Variants in CABIN1 observed in about 807,000 individuals in gnomAD.
CABIN1 encodes the protein calcineurin-binding protein cabin-1.
CABIN1 carries 133 observed loss-of-function variants against 227.7 expected under a neutral mutation model. The observed-to-expected ratio is 0.58, with a 90% CI of 0.51 to 0.67. CABIN1 has a LOEUF of 0.67. CABIN1 is among the 30% of genes least tolerant of loss of function. The pLI is 0.00. For missense variants in CABIN1, 2,408 were observed against 2,852.5 expected (o/e 0.84, Z 3.55); for synonymous variants, 1,086 against 1,155.1 (o/e 0.94, Z 1.21).
At chr22:24,159,772 A>G (rs1442881285) in intron 29 of CABIN1, among the ~76,000 whole-genome samples, 2 of 152,196 alleles carry the variant, frequency 1.3e-5, no homozygotes, top group East Asian at 3.9e-4. Context: ...ATTTCCTGCA[A>G]CATTGCCCAA....
chr22:24,154,422 A>G (rs1405172426), intron 29 of CABIN1, among the ~76,000 whole-genome samples: 7 of 152,090 alleles, frequency 4.6e-5, no homozygotes. Context: ...ACCTGTCCCT[A>G]TGTGTGTCTG....
In CABIN1 at chr22:24,171,018, G is replaced by T. The variant is rs577432322; in HGVS notation, c.5758-695G>T. ...CCTGTCCCAGGAGGGCTGGCTGGGG[G>T]TGGGAGCAAAAGTAGCCCTGTGAAA... On this transcript the variant is annotated intron_variant, in intron 33 of 36. Coordinates refer to ENST00000263119, the MANE Select transcript of CABIN1 (RefSeq NM_012295.4). Among the ~76,000 whole-genome samples, 6 of 152,334 alleles carry T rather than the reference G, an allele frequency of 3.9e-5. No homozygotes were observed. The South Asian group carries it at 1.2e-3, about 32-fold the overall frequency.
chr22:24,033,290 T>C (rs1304419540), intron 1 of CABIN1, among the ~76,000 whole-genome samples: 1 of 152,210 alleles, frequency 6.6e-6, no homozygotes, highest in Non-Finnish European at 1.5e-5. Flanking sequence ...AAGTCATTGC[T>C]GTAAGCACTG....
intron 29 of CABIN1, chr22:24,155,962 G>A (rs914587542): frequency 1.9e-6 from 1 of 525,414 alleles, no homozygotes; most frequent in Non-Finnish European, 3.3e-6. Context: ...CGCCCCGTCC[G>A]GCCGCGCCTG....
chr22:24,035,989 G>A, intron 2 of CABIN1, 100 bp from the exon 3 acceptor site: 1 of 824,362 alleles, frequency 1.2e-6, no homozygotes. Context: ...AGGTAGAATA[G>A]ATCATATGCT....
chr22:24,140,189 G>C (rs75976440), intron 29 of CABIN1, among the ~76,000 whole-genome samples: 1 of 152,212 alleles, frequency 6.6e-6, no homozygotes, highest in Non-Finnish European at 1.5e-5. Flanking sequence ...GCTAAGGATC[G>C]AGTGAGTGGG....
intron 1 of CABIN1, among the ~76,000 whole-genome samples, chr22:24,019,840 A>G (rs1259347902): frequency 1.3e-5 from 2 of 151,430 alleles, no homozygotes; most frequent in Non-Finnish European, 1.5e-5. Context: ...TATTTTTAGT[A>G]GAGACGGGGT....
intron 18 of CABIN1, 145 bp downstream of exon 18, chr22:24,072,655 A>G (rs1302234704): frequency 3.0e-6 from 3 of 996,148 alleles, no homozygotes; most frequent in African/African-American, 3.2e-5. Flanking sequence ...GCGCTTGGAC[A>G]GAGGCAGAAG....
intron 34 of CABIN1, among the ~76,000 whole-genome samples, chr22:24,174,081 G>A (rs2046978088): frequency 6.6e-6 from 1 of 151,634 alleles, no homozygotes; most frequent in Admixed American, 6.6e-5. Flanking sequence ...CTGACCTCAG[G>A]TGATCCGCCT....
intron 1 of CABIN1, among the ~76,000 whole-genome samples, chr22:24,025,083 TC>T (rs2035986203): frequency 6.6e-6 from 1 of 152,198 alleles, no homozygotes; most frequent in Non-Finnish European, 1.5e-5. Flanking sequence ...TGCCACATTT[TC>T]TTTTTTCTTT....
chr22:24,113,497 G>A, intron 26 of CABIN1, 69 bp from the exon 27 acceptor site: 1 of 1,448,302 alleles, frequency 6.9e-7, no homozygotes, highest in East Asian at 2.3e-5. Flanking sequence ...ACTCACCATA[G>A]GAAGGCCCCC....
At chr22:24,015,253 G>A (rs1193116384) in intron 1 of CABIN1, among the ~76,000 whole-genome samples, 2 of 111,980 alleles carry the variant, frequency 1.8e-5, no homozygotes, top group African/African-American at 6.9e-5. Context: ...GTGACCGGCC[G>A]AGTGAGAATC....
intron 26 of CABIN1, among the ~76,000 whole-genome samples, chr22:24,107,578 G>A (rs538108577): frequency 5.3e-5 from 8 of 152,190 alleles, no homozygotes; most frequent in Non-Finnish European, 1.0e-4. Context: ...ACAGCATGCC[G>A]TCCTTTCTTG....
intron 8 of CABIN1, 103 bp from the exon 9 acceptor site, chr22:24,054,770 A>G (rs1211103503): frequency 7.0e-7 from 1 of 1,436,978 alleles, no homozygotes; most frequent in Non-Finnish European, 9.8e-7. Flanking sequence ...TGGCAGCTCC[A>G]GGAGCAGCTC....
chr22:24,177,942 G>A lies in CABIN1; in HGVS notation c.6520-111G>A. 6.4e-7 allele frequency: 1 copy of A among 1,552,306 alleles called. No individual in the cohort carries two copies. The highest frequency in any genetic ancestry group is 8.7e-7 in the Non-Finnish European group (1 of 1,143,112). On this transcript the variant is annotated intron_variant, in intron 36 of 36. Coordinates refer to ENST00000263119, the MANE Select transcript of CABIN1 (RefSeq NM_012295.4). This position sits in a 1 kb window ranked among gnomAD's most constrained non-coding sequence, Gnocchi z 4.4. Reference sequence around the variant, plus strand: ...TGGGTGAGGATGGCATAGGGGCCTGGGGCAGGGGTGAGGGTGGGAGGGGGG... The same window carrying A: ...TGGGTGAGGATGGCATAGGGGCCTGAGGCAGGGGTGAGGGTGGGAGGGGGG...
rs752432639 is a variant in CABIN1, at chr22:24,042,975, G to T, written c.417G>T (p.Arg139=). 12 of 1,613,670 alleles carry T rather than the reference G, an allele frequency of 7.4e-6. No individual in the cohort carries two copies. In the East Asian group the frequency reaches 2.5e-4, roughly 33 times the overall value. ...GACATGTGGCCCTGAGGCTCATCCG[G>T]ATCCCCCTGGCTCGCCATGCTTTTG... The part of the protein sequence containing the change: ...KIGHVALRLI[R]IPLARHAFEE... Residue 139 remains arginine, a synonymous_variant, in exon 6 of 37, where the codon CGG becomes CGT. Transcript: ENST00000263119.
chr22:24,127,293 C>T (rs1404405295), intron 28 of CABIN1, among the ~76,000 whole-genome samples: 1 of 152,164 alleles, frequency 6.6e-6, no homozygotes, highest in East Asian at 1.9e-4. Context: ...TCGGGGCTGG[C>T]CATTGATGGC....
At chr22:24,158,310 G>A (rs892280088) in intron 29 of CABIN1, among the ~76,000 whole-genome samples, 1 of 152,168 alleles carries the variant, frequency 6.6e-6, no homozygotes, top group African/African-American at 2.4e-5. Context: ...CTGCTGCTGC[G>A]TGCCCACTCT....
At position 24,059,972 on chromosome 22, in the gene CABIN1, G is replaced by C; in HGVS notation, c.1448G>C (p.Gly483Ala). Residue 483 changes from glycine (G) to alanine (A), a missense_variant, in exon 12 of 37, where the codon GGC (glycine) becomes GCC (alanine). By Grantham distance (60) the Gly-to-Ala change is moderately conservative. This residue lies in a region of CABIN1 where 1,045 missense variants were observed against 1,168.4 expected (regional missense o/e 0.89). Coordinates refer to ENST00000263119, the MANE Select transcript of CABIN1 (RefSeq NM_012295.4). ...CTGCTGGAGAACCTAACCAACGGGGGCATCCTGGAGCTGATGATGCGCTAC... is the reference window on the plus strand; with the variant it reads ...CTGCTGGAGAACCTAACCAACGGGGCCATCCTGGAGCTGATGATGCGCTAC... ...EFLLENLTNG[G>A]ILELMMRYLK... 6.2e-7 allele frequency: 1 copy of C among 1,614,252 alleles called. No homozygotes were observed.
Sources: allele counts gnomAD v4.1 joint callset (sites outside exome capture counted in the v4.1 genomes callset), GRCh38; gene constraint gnomAD v4.1.1; regional missense constraint gnomAD v4.1.1; non-coding constraint Gnocchi (gnomAD v3.1); transcripts MANE v1.5; gene names NCBI Gene and HGNC (gene_info 2026-07-23, HGNC 2026-07-21).